Variants in PRKN observed in about 807,000 individuals in gnomAD.
PRKN encodes parkin RBR E3 ubiquitin protein ligase.
PRKN carries 56 observed loss-of-function variants against 59.5 expected under a neutral mutation model. The ratio of observed to expected loss-of-function variants is 0.94; its 90% confidence interval spans 0.76 to 1.18. The LOEUF is 1.18. Ranked by LOEUF, PRKN falls within the 50% of genes most tolerant of loss-of-function variation. PRKN has a pLI of 0.00. For synonymous variants in PRKN, 250 were observed against 222.1 expected, an observed-to-expected ratio of 1.13 and a Z score of -1.12; for missense variants, 657 against 596.4, an observed-to-expected ratio of 1.10 and a Z score of -1.06.
intron 7 of PRKN, among the ~76,000 whole-genome samples, chr6:161,766,767 T>C (rs188971445): frequency 7.6e-4 from 116 of 152,284 alleles, no homozygotes; most frequent in African/African-American, 2.6e-3. Context: ...ATGGATTCAG[T>C]AAATAGTAAG....
intron 6 of PRKN, among the ~76,000 whole-genome samples, chr6:161,912,347 T>A (rs1462383541): frequency 6.6e-6 from 1 of 152,006 alleles, no homozygotes; most frequent in Non-Finnish European, 1.5e-5. Flanking sequence ...GCAGAAATAA[T>A]CTTCTTGTAG....
intron 1 of PRKN, among the ~76,000 whole-genome samples, chr6:162,456,601 T>G (rs914848780): frequency 6.6e-6 from 1 of 152,314 alleles, no homozygotes; most frequent in East Asian, 1.9e-4. Context: ...CTATAGGCTA[T>G]AGTTGTAGTC....
At chr6:162,325,318 T>A (rs574880182) in intron 2 of PRKN, among the ~76,000 whole-genome samples, 1 of 152,180 alleles carries the variant, frequency 6.6e-6, no homozygotes, top group Non-Finnish European at 1.5e-5. Flanking sequence ...CTCTGTGCTA[T>A]TGACTATCCT....
chr6:162,246,387 C>T (rs1359501358), intron 3 of PRKN, among the ~76,000 whole-genome samples: 5 of 152,080 alleles, frequency 3.3e-5, no homozygotes, highest in Non-Finnish European at 7.4e-5. Context: ...ACACCTTGAT[C>T]TTGGACATTT....
Position 161,588,776 on chromosome 6 carries a change from T to C in PRKN, c.872-19360A>G, listed in dbSNP as rs1781609998. Among the ~76,000 whole-genome samples, 1 of 152,188 alleles carries C rather than the reference T, an allele frequency of 6.6e-6. No individual in the cohort carries two copies. Among genetic ancestry groups the C allele is most frequent in the African/African-American group, 2.4e-5 (1 of 41,464 alleles). On this transcript the variant is annotated intron_variant, in intron 7 of 11. Transcript: ENST00000366898. The surrounding 1 kb of genome is among the most constrained non-coding windows in gnomAD (Gnocchi z 5.0). ...CTAGAAAATAAACCCAAAGTGGCTC[T>C]TGAGAGAAGGACAGAACTTAATTTT...
In PRKN at chr6:162,415,422, C is replaced by A. The variant is rs761491239; in HGVS notation, c.171+27888G>T. Among the ~76,000 whole-genome samples the A allele has an allele frequency of 1.4e-4, 22 of 152,082 alleles. 1 individual carries two copies. The highest frequency in any genetic ancestry group is 2.9e-4 in the Non-Finnish European group (20 of 68,022). ...AAATCTTCAAAAGGTAGAAACAGAT[C>A]GTGTGAAGAGTATCACTCATGTATC... is the stretch of plus-strand genomic sequence containing the variant. On this transcript the variant is annotated intron_variant, in intron 2 of 11. Transcript: ENST00000366898.
intron 2 of PRKN, among the ~76,000 whole-genome samples, chr6:162,421,491 G>A (rs921189524): frequency 2.0e-5 from 3 of 152,158 alleles, no homozygotes; most frequent in African/African-American, 7.2e-5. Flanking sequence ...TACATGAAAT[G>A]TTAACCTATT....
chr6:162,060,685 CTTGAG>C (rs1421474215), intron 4 of PRKN, among the ~76,000 whole-genome samples: 1 of 152,140 alleles, frequency 6.6e-6, no homozygotes, highest in Admixed American at 6.5e-5. Flanking sequence ...AACTATTTTT[CTTGAG>C]TTATCTAAAT....
At chr6:161,778,267 C>T (rs191032756) in intron 7 of PRKN, among the ~76,000 whole-genome samples, 1 of 152,192 alleles carries the variant, frequency 6.6e-6, no homozygotes, top group Admixed American at 6.5e-5. Flanking sequence ...AACCACCAAA[C>T]AAATTCAAAG....
intron 6 of PRKN, among the ~76,000 whole-genome samples, chr6:161,898,291 C>A (rs925020871): frequency 6.6e-6 from 1 of 152,120 alleles, no homozygotes; most frequent in Non-Finnish European, 1.5e-5. Context: ...CTTAAAGTTT[C>A]ATGAGGAGTC....
intron 5 of PRKN, among the ~76,000 whole-genome samples, chr6:161,980,760 A>G (rs1781229906): frequency 6.6e-6 from 1 of 152,136 alleles, no homozygotes; most frequent in Admixed American, 6.5e-5. Flanking sequence ...CCCAACTTAC[A>G]GAGCAGAGAG....
At chr6:161,486,451 C>T (rs970488664) in intron 9 of PRKN, among the ~76,000 whole-genome samples, 6 of 152,068 alleles carry the variant, frequency 3.9e-5, no homozygotes, top group African/African-American at 7.2e-5. Flanking sequence ...ATTTTAGGAA[C>T]GTGTTCTGAC....
At chr6:161,926,087 T>C (rs1778957966) in intron 6 of PRKN, among the ~76,000 whole-genome samples, 1 of 152,184 alleles carries the variant, frequency 6.6e-6, no homozygotes, top group African/African-American at 2.4e-5. Flanking sequence ...TTAGGAACTT[T>C]TCAAAACGAA....
intron 2 of PRKN, among the ~76,000 whole-genome samples, chr6:162,407,267 A>G (rs1036025062): frequency 1.3e-5 from 2 of 152,306 alleles, no homozygotes; most frequent in Admixed American, 6.5e-5. Flanking sequence ...CCAGGGGGTA[A>G]CATTGTCCAG....
chr6:162,694,354 GT>G (rs1777895866), intron 1 of PRKN, among the ~76,000 whole-genome samples: 1 of 152,030 alleles, frequency 6.6e-6, no homozygotes, highest in South Asian at 2.1e-4. Context: ...AGAGATAGCA[GT>G]GATAACTGTG....
At chr6:162,588,314 C>T (rs1229720245) in intron 1 of PRKN, among the ~76,000 whole-genome samples, 1 of 150,848 alleles carries the variant, frequency 6.6e-6, no homozygotes, top group Non-Finnish European at 1.5e-5. Flanking sequence ...CCCACCGGAA[C>T]AAAGTGAGTT....
At chr6:162,062,048 G>A (rs1018929805) in intron 4 of PRKN, among the ~76,000 whole-genome samples, 6 of 152,138 alleles carry the variant, frequency 3.9e-5, no homozygotes, top group African/African-American at 1.4e-4. Context: ...ATATGACTCA[G>A]TTATTCTACT....
intron 1 of PRKN, among the ~76,000 whole-genome samples, chr6:162,590,865 T>C (rs1781278105): frequency 1.3e-5 from 2 of 152,282 alleles, no homozygotes; most frequent in South Asian, 2.1e-4. Context: ...AGCCTCATGA[T>C]GATCATTCTG....
At chr6:161,786,001 G>T in intron 6 of PRKN, 93 bp from the exon 7 acceptor site, 1 of 1,240,760 alleles carries the variant, frequency 8.1e-7, no homozygotes, top group Non-Finnish European at 1.2e-6. Context: ...CTGGAGGGTT[G>T]TGTAGACTGT....
Sources: gnomAD v4.1 joint callset for allele counts (sites outside exome capture counted in the v4.1 genomes callset) on GRCh38, gnomAD v4.1.1 for gene constraint, Gnocchi (gnomAD v3.1) non-coding constraint, MANE v1.5 for transcripts, NCBI Gene and HGNC (gene_info 2026-07-23, HGNC 2026-07-21) for gene names.